Variants in COL4A6 observed in about 807,000 individuals in gnomAD.
COL4A6 encodes the protein collagen alpha-6(IV) chain.
In COL4A6, 59 loss-of-function variants were observed where a neutral mutation model predicts 126.7. The ratio of observed to expected loss-of-function variants is 0.47; its 90% CI spans 0.38 to 0.58. The LOEUF (loss-of-function observed/expected upper bound fraction) is 0.58. Ranked by LOEUF, COL4A6 falls within the 20% of genes least tolerant of loss-of-function variation. The pLI, the probability that COL4A6 is intolerant of heterozygous loss-of-function variation, is 0.00. For synonymous variants in COL4A6, 547 were observed against 496.6 expected, an observed-to-expected ratio of 1.10 and a Z score of -1.35; for missense variants, 1,285 against 1,337.3, an observed-to-expected ratio of 0.96 and a Z score of 0.61.
At chrX:108,393,128 T>C (rs929941187) in intron 2 of COL4A6, among the ~76,000 whole-genome samples, 2 of 111,754 alleles carry the variant, frequency 1.8e-5, no homozygotes, top group African/African-American at 6.5e-5. Context: ...CAATTTCACA[T>C]CTAGGTATAT....
chrX:108,255,329 G>A (rs1332114), intron 3 of COL4A6, among the ~76,000 whole-genome samples: 1 of 109,145 alleles, frequency 9.2e-6, no homozygotes, highest in African/African-American at 3.3e-5. Context: ...ACATTATCTA[G>A]AAGAGTCTGT....
At chrX:108,281,442 T>A (rs1362163666) in intron 3 of COL4A6, among the ~76,000 whole-genome samples, 1 of 97,936 alleles carries the variant, frequency 1.0e-5, no homozygotes, top group Non-Finnish European at 2.1e-5. Flanking sequence ...TTACAAGGGA[T>A]GTGAAGGACC....
chrX:108,381,089 T>G lies in COL4A6; in HGVS notation c.63+56853A>C, dbSNP rs752292314. ...GTTCGTCACTGTCCCTTTAAAATAT[T>G]GTGCCCTCAACCATGACTGTATTAT... On this transcript the variant is annotated intron_variant, in intron 2 of 44. Coordinates refer to ENST00000334504, the MANE Select transcript of COL4A6 (RefSeq NM_033641.4). Among the ~76,000 whole-genome samples, 3 of 112,350 alleles carry G rather than the reference T, an allele frequency of 2.7e-5. No homozygotes were observed. In the East Asian group the frequency reaches 8.3e-4, roughly 31 times the overall value.
chrX:108,174,057 T>C (rs1179837435), intron 31 of COL4A6, among the ~76,000 whole-genome samples: 1 of 112,152 alleles, frequency 8.9e-6, no homozygotes, highest in Non-Finnish European at 1.9e-5. Flanking sequence ...AACAATCTCA[T>C]TGAGGAAGTC....
At chrX:108,393,196 T>C (rs2040875751) in intron 2 of COL4A6, among the ~76,000 whole-genome samples, 1 of 111,968 alleles carries the variant, frequency 8.9e-6, no homozygotes, top group African/African-American at 3.2e-5. Context: ...CATAGCAACA[T>C]TATTCATAAT....
At chrX:108,303,259 A>T (rs2038540061) in intron 3 of COL4A6, among the ~76,000 whole-genome samples, 1 of 111,139 alleles carries the variant, frequency 9.0e-6, no homozygotes, top group South Asian at 3.8e-4. Flanking sequence ...GGAATGAGGG[A>T]TGGAAAGCTA....
At chrX:108,383,574 C>T (rs943292310) in intron 2 of COL4A6, 10 of 476,433 alleles carry the variant, frequency 2.1e-5, no homozygotes, top group African/African-American at 1.2e-4. Flanking sequence ...GCAACGAATG[C>T]GAGGCGAATA....
chrX:108,331,054 A>G (rs750586799), intron 2 of COL4A6, among the ~76,000 whole-genome samples: 105 of 111,372 alleles, frequency 9.4e-4, no homozygotes, highest in African/African-American at 3.3e-3. Flanking sequence ...AATGCCCCGG[A>G]TGCTTTTCTT....
chrX:108,171,775 G>A (rs2034314885), intron 32 of COL4A6, among the ~76,000 whole-genome samples: 1 of 111,962 alleles, frequency 8.9e-6, no homozygotes, highest in Admixed American at 9.4e-5. Flanking sequence ...ATGCCAGCAA[G>A]AATGGGAAAT....
chrX:108,339,021 C>T (rs2039497717), intron 2 of COL4A6, among the ~76,000 whole-genome samples: 1 of 111,494 alleles, frequency 9.0e-6, no homozygotes, highest in African/African-American at 3.3e-5. Flanking sequence ...CCTGTGGCCA[C>T]ACACCTGCTC....
At chrX:108,348,259 G>A (rs1369514972) in intron 2 of COL4A6, among the ~76,000 whole-genome samples, 1 of 111,707 alleles carries the variant, frequency 9.0e-6, no homozygotes, top group African/African-American at 3.2e-5. Context: ...TATCATTTCC[G>A]TGAATATGAA....
At chrX:108,244,111 ATTT>A (rs34464429) in intron 3 of COL4A6, among the ~76,000 whole-genome samples, 5 of 89,054 alleles carry the variant, frequency 5.6e-5, no homozygotes, top group Non-Finnish European at 6.9e-5. Flanking sequence ...ATGTTCACCA[ATTT>A]TTTTTTTTTT....
chrX:108,248,360 A>AT (rs1289742215), intron 3 of COL4A6, among the ~76,000 whole-genome samples: 1 of 111,082 alleles, frequency 9.0e-6, no homozygotes, highest in Non-Finnish European at 1.9e-5. Flanking sequence ...GTCTGAAGCT[A>AT]TTTTTTCTAC....
In COL4A6 at chrX:108,160,556, C is replaced by T; in HGVS notation, c.4432G>A (p.Val1478Met). 8.3e-7 allele frequency: 1 copy of T among 1,211,472 alleles called. No homozygotes were observed. The highest frequency in any genetic ancestry group is 3.0e-5 in the East Asian group (1 of 33,803). ...CTCATCCCGATGGGACACGGGGGCA[C>T]CTGTTCCGACTGGCTGTGCTTTACC... ...TLVKHSQSEQVPPCPIGMSQL... is the reference protein window; with the variant it reads ...TLVKHSQSEQMPPCPIGMSQL... The change falls in exon 43 of 45, where the codon GTG becomes ATG. Residue 1478 changes from valine to methionine, a missense_variant. Physicochemically the swap from Val to Met is conservative, Grantham distance 21. Transcript: ENST00000334504.
intron 2 of COL4A6, among the ~76,000 whole-genome samples, chrX:108,342,509 G>T (rs1486459821): frequency 9.0e-6 from 1 of 111,266 alleles, no homozygotes; most frequent in African/African-American, 3.3e-5. Flanking sequence ...CACCCAAAGG[G>T]CCAGGTAACC....
intron 2 of COL4A6, among the ~76,000 whole-genome samples, chrX:108,390,850 C>A (rs893104969): frequency 3.6e-5 from 4 of 111,319 alleles, no homozygotes; most frequent in African/African-American, 1.3e-4. Flanking sequence ...GTGCTGGTTT[C>A]TCTCCATCTT....
chrX:108,365,145 C>T (rs1276351463), intron 2 of COL4A6, among the ~76,000 whole-genome samples: 1 of 111,968 alleles, frequency 8.9e-6, no homozygotes. Context: ...ACCTTTTCTA[C>T]TTCTTCATTT....
intron 2 of COL4A6, among the ~76,000 whole-genome samples, chrX:108,365,550 C>A (rs991565541): frequency 1.8e-5 from 2 of 111,695 alleles, no homozygotes; most frequent in African/African-American, 6.5e-5. Context: ...AAATATATAG[C>A]TGCCTCCCAA....
intron 2 of COL4A6, among the ~76,000 whole-genome samples, chrX:108,349,917 C>T (rs750675953): frequency 9.8e-5 from 11 of 111,760 alleles, no homozygotes; most frequent in Admixed American, 3.8e-4. Context: ...CCTAGGTGAG[C>T]CACATGTTTT....
Sources: allele counts gnomAD v4.1 joint callset (sites outside exome capture counted in the v4.1 genomes callset), GRCh38; gene constraint gnomAD v4.1.1; transcripts MANE v1.5; gene names NCBI Gene and HGNC (gene_info 2026-07-23, HGNC 2026-07-21).